The following DLGAP2 variants were observed in gnomAD, a reference collection of about 807,000 sequenced individuals.
DLGAP2 encodes disks large-associated protein 2.
DLGAP2 carries 26 observed loss-of-function variants against 100.3 expected under a neutral mutation model. That is an observed-to-expected ratio of 0.26 (90% confidence interval 0.19 to 0.36). The LOEUF (loss-of-function observed/expected upper bound fraction) is 0.36, where lower values mean the gene tolerates loss of function less well. Ranked by LOEUF, DLGAP2 falls within the 10% of genes least tolerant of loss-of-function variation. The pLI, the probability that DLGAP2 is intolerant of heterozygous loss-of-function variation, is 1.00. For synonymous variants in DLGAP2, 886 were observed against 630.1 expected (o/e 1.41, Z -6.08); for missense variants, 1,858 against 1,453.2 (o/e 1.28, Z -4.53).
chr8:1,242,769 CGGAT>C (rs747058342), intron 2 of DLGAP2, among the ~76,000 whole-genome samples: 13 of 152,126 alleles, frequency 8.5e-5, no homozygotes, highest in African/African-American at 1.7e-4. Flanking sequence ...GTCAGACAGA[CGGAT>C]GGATGGATAG....
intron 2 of DLGAP2, among the ~76,000 whole-genome samples, chr8:1,069,098 T>G (rs1803349040): frequency 6.6e-6 from 1 of 152,232 alleles, no homozygotes; most frequent in Non-Finnish European, 1.5e-5. Flanking sequence ...ACACATTTAT[T>G]GCAGCTGACG....
At chr8:775,207 G>C (rs1239456872) in intron 1 of DLGAP2, among the ~76,000 whole-genome samples, 4 of 151,494 alleles carry the variant, frequency 2.6e-5, no homozygotes, top group Non-Finnish European at 3.0e-5. Context: ...TTTGTATCCT[G>C]AGACTTTGCT....
intron 2 of DLGAP2, among the ~76,000 whole-genome samples, chr8:1,126,025 A>G (rs975620957): frequency 1.3e-5 from 2 of 152,170 alleles, no homozygotes; most frequent in Non-Finnish European, 2.9e-5. Context: ...TAATTTGTAA[A>G]ACTGTTTGTG....
intron 6 of DLGAP2, among the ~76,000 whole-genome samples, chr8:1,574,237 G>C (rs764211379): frequency 2.0e-5 from 3 of 152,106 alleles, no homozygotes; most frequent in African/African-American, 7.2e-5. Context: ...CAGGTTCTGC[G>C]TCACCAGATT....
chr8:1,065,718 C>A (rs764958596), intron 2 of DLGAP2, among the ~76,000 whole-genome samples: 5 of 152,186 alleles, frequency 3.3e-5, no homozygotes, highest in Admixed American at 6.5e-5. Context: ...GTCGGCACTT[C>A]TGGTTATCCC....
chr8:1,465,105 G>A (rs985103482), intron 3 of DLGAP2, among the ~76,000 whole-genome samples: 2 of 152,222 alleles, frequency 1.3e-5, no homozygotes, highest in African/African-American at 2.4e-5. Context: ...CACCTGGCGG[G>A]AACCTCAGGT....
At chr8:995,381 G>C (rs1240445366) in intron 2 of DLGAP2, among the ~76,000 whole-genome samples, 3 of 152,130 alleles carry the variant, frequency 2.0e-5, no homozygotes, top group African/African-American at 7.2e-5. Flanking sequence ...TAGTAACTTT[G>C]TAATTAAACA....
At chr8:1,473,629 G>GATT (rs1798858392) in intron 3 of DLGAP2, among the ~76,000 whole-genome samples, 1 of 152,206 alleles carries the variant, frequency 6.6e-6, no homozygotes. Context: ...ATACGGTGTA[G>GATT]GCTATGGTAT....
At chr8:814,596 T>C (rs1171830928) in intron 1 of DLGAP2, among the ~76,000 whole-genome samples, 2 of 151,864 alleles carry the variant, frequency 1.3e-5, no homozygotes. Context: ...TTAGAAATAC[T>C]ATGAACGTTG....
At position 1,622,781 on chromosome 8, in the gene DLGAP2, C is replaced by T. The variant is rs537181779; in HGVS notation, c.1443-3959C>T. Among the ~76,000 whole-genome samples, 196 of 152,286 alleles carry T rather than the reference C, an allele frequency of 1.3e-3. 4 individuals carry two copies. Among genetic ancestry groups the T allele is most frequent in the Non-Finnish European group, 6.6e-4 (45 of 68,020 alleles). ...CAAAATATGTTTCCATTTCTGACACCTGGGATGCCGCAGGAATTACCACTT... is the reference window on the plus strand; with the variant it reads ...CAAAATATGTTTCCATTTCTGACACTTGGGATGCCGCAGGAATTACCACTT... On this transcript the variant is annotated intron_variant, in intron 6 of 14. Transcript: ENST00000637795.
At chr8:1,298,594 C>G (rs893656854) in intron 3 of DLGAP2, among the ~76,000 whole-genome samples, 2 of 151,412 alleles carry the variant, frequency 1.3e-5, no homozygotes, top group African/African-American at 4.9e-5. Flanking sequence ...CGGCCACAGT[C>G]CTGCCCGTCC....
At chr8:1,081,878 G>A (rs1036689800) in intron 2 of DLGAP2, among the ~76,000 whole-genome samples, 3 of 152,138 alleles carry the variant, frequency 2.0e-5, no homozygotes, top group African/African-American at 7.2e-5. Flanking sequence ...GCAGCGAGTG[G>A]ATGCCGACGC....
At chr8:904,394 C>T (rs1480626340) in intron 1 of DLGAP2, among the ~76,000 whole-genome samples, 1 of 152,134 alleles carries the variant, frequency 6.6e-6, no homozygotes, top group African/African-American at 2.4e-5. Context: ...GTGGCAGGTG[C>T]CTGTAATCCC....
chr8:1,428,862 A>C (rs1319385627), intron 3 of DLGAP2, among the ~76,000 whole-genome samples: 3 of 152,278 alleles, frequency 2.0e-5, no homozygotes, highest in East Asian at 3.9e-4. Flanking sequence ...CTGCTCACTC[A>C]CCAGCTAGGT....
At chr8:1,539,670 C>A (rs564994946) in intron 4 of DLGAP2, among the ~76,000 whole-genome samples, 2 of 151,458 alleles carry the variant, frequency 1.3e-5, no homozygotes, top group South Asian at 4.2e-4. Flanking sequence ...CCACCTTCTC[C>A]CTCTCCAGAC....
At chr8:1,278,414 G>A (rs1469427105) in intron 3 of DLGAP2, among the ~76,000 whole-genome samples, 1 of 152,100 alleles carries the variant, frequency 6.6e-6, no homozygotes, top group African/African-American at 2.4e-5. Context: ...TACTTTACCT[G>A]TTGTTGGTTG....
chr8:1,465,593 C>G (rs764212622), intron 3 of DLGAP2, among the ~76,000 whole-genome samples: 1 of 152,208 alleles, frequency 6.6e-6, no homozygotes, highest in Non-Finnish European at 1.5e-5. Context: ...CTCCAGGAAC[C>G]TCCACGGGTT....
chr8:1,140,907 C>T (rs1027559261), intron 2 of DLGAP2, among the ~76,000 whole-genome samples: 4 of 152,160 alleles, frequency 2.6e-5, no homozygotes, highest in Non-Finnish European at 4.4e-5. Flanking sequence ...TCGCTTGAAC[C>T]GGGGGGTGGA....
chr8:1,058,945 A>T (rs1443026727), intron 2 of DLGAP2, among the ~76,000 whole-genome samples: 2 of 152,296 alleles, frequency 1.3e-5, no homozygotes, highest in African/African-American at 4.8e-5. Flanking sequence ...CTTGAGGTGG[A>T]ATGCAATTCA....
Sources: allele counts gnomAD v4.1 joint callset (sites outside exome capture counted in the v4.1 genomes callset), GRCh38; gene constraint gnomAD v4.1.1; transcripts MANE v1.5; gene names NCBI Gene and HGNC (gene_info 2026-07-23, HGNC 2026-07-21).